The following INSYN2B variants were observed in gnomAD, a reference collection of about 807,000 sequenced individuals.
The protein encoded by INSYN2B is protein INSYN2B.
A neutral mutation model predicts 41.2 loss-of-function variants in INSYN2B; 16 were observed. The ratio of observed to expected loss-of-function variants is 0.39; its 90% CI spans 0.26 to 0.59. The LOEUF (loss-of-function observed/expected upper bound fraction) is 0.59, where lower values mean the gene tolerates loss of function less well. Ranked by LOEUF, INSYN2B falls within the 20% of genes least tolerant of loss-of-function variation. INSYN2B has a pLI of 0.57. For missense variants in INSYN2B, 608 were observed against 646.4 expected (o/e 0.94, Z 0.64); for synonymous variants, 245 against 244.4 (o/e 1.00, Z -0.02).
At chr5:169,894,852 T>A (rs1270544866) in intron 1 of INSYN2B, among the ~76,000 whole-genome samples, 1 of 152,016 alleles carries the variant, frequency 6.6e-6, no homozygotes, top group Non-Finnish European at 1.5e-5. Flanking sequence ...TTGTGGCAAA[T>A]CTCAAGTAAC....
rs1378958056 is a variant in INSYN2B, at chr5:169,864,343, G to T, written c.1538C>A (p.Pro513Gln). 8 of 1,551,378 alleles carry T rather than the reference G, an allele frequency of 5.2e-6. No homozygotes were observed. The Admixed American group carries it at 1.4e-4, about 27-fold the overall frequency. The stretch of plus-strand genomic sequence containing the variant: ...CCTTAAGTCCTGCTTTTCCGGGGCT[G>T]GGGGTTCTGCTGGGGACTTTGGTGG... ...SPPPKSPAEP[P>Q]APEKQDLRRK... The change falls in exon 4 of 4, where the codon CCA becomes CAA. Residue 513 changes from proline to glutamine, a missense_variant. Transcript: ENST00000377365.
chr5:169,926,696 T>A (rs1385141162), intron 1 of INSYN2B, among the ~76,000 whole-genome samples: 1 of 152,162 alleles, frequency 6.6e-6, no homozygotes, highest in African/African-American at 2.4e-5. Context: ...AAAGATTATT[T>A]AAAGAAAAAC....
At position 169,924,933 on chromosome 5, in the gene INSYN2B, G is replaced by A. The variant is rs368410987; in HGVS notation, c.-918-40117C>T. ...AATGAAAATGGGAGTGTGTGTCCAG[G>A]CACAATTGCTTCTCCCAGTCTTCCT... On this transcript the variant is annotated intron_variant, in intron 1 of 3. Coordinates refer to ENST00000377365, the MANE Select transcript of INSYN2B (RefSeq NM_001129891.3). Among the ~76,000 whole-genome samples, 60 of 152,206 alleles carry A rather than the reference G, an allele frequency of 3.9e-4. No homozygotes were observed. In the East Asian group the frequency reaches 6.4e-3, roughly 16 times the overall value.
chr5:169,972,586 T>TAGATGATAGATA (rs1554122913), intron 1 of INSYN2B, among the ~76,000 whole-genome samples: 47 of 69,030 alleles, frequency 6.8e-4, no homozygotes, highest in Admixed American at 1.0e-3. Flanking sequence ...GATAGATAGA[T>TAGATGATAGATA]GATAGATAGA....
At position 169,885,076 on chromosome 5, in the gene INSYN2B, G is replaced by A. The variant is rs1336357262; in HGVS notation, c.-918-260C>T. Among the ~76,000 whole-genome samples the A allele has an allele frequency of 2.0e-5, 3 of 152,260 alleles. No homozygotes were observed. In the East Asian group the frequency reaches 5.8e-4, roughly 29 times the overall value. ...CAGCCAACTCCTGTTCATCAGTCAA[G>A]TCCCAGCAATTTCTCAGGCAGCCTT... On this transcript the variant is annotated intron_variant, in intron 1 of 3. Coordinates refer to ENST00000377365, the MANE Select transcript of INSYN2B (RefSeq NM_001129891.3).
At chr5:169,922,318 C>A (rs969550358) in intron 1 of INSYN2B, among the ~76,000 whole-genome samples, 1 of 152,028 alleles carries the variant, frequency 6.6e-6, no homozygotes, top group Non-Finnish European at 1.5e-5. Context: ...TATGCAGAAC[C>A]CCTGATAATA....
chr5:169,960,588 G>C (rs1488558104), intron 1 of INSYN2B, among the ~76,000 whole-genome samples: 1 of 152,142 alleles, frequency 6.6e-6, no homozygotes, highest in Non-Finnish European at 1.5e-5. Context: ...CACTTAAAAT[G>C]ACCAATAATG....
chr5:169,907,781 A>G (rs1276223977), intron 1 of INSYN2B, among the ~76,000 whole-genome samples: 1 of 152,154 alleles, frequency 6.6e-6, no homozygotes, highest in Admixed American at 6.5e-5. Flanking sequence ...GCAACCTTAC[A>G]GGGACATTTG....
chr5:169,881,108 A>G (rs182528927), intron 3 of INSYN2B, among the ~76,000 whole-genome samples: 1 of 152,264 alleles, frequency 6.6e-6, no homozygotes, highest in East Asian at 1.9e-4. Context: ...ATGAGATGCA[A>G]ATGTGCATGC....
rs553740550 is a variant in INSYN2B at position 169,917,880 on chromosome 5, G to A, written c.-918-33064C>T. On this transcript the variant is annotated intron_variant, in intron 1 of 3. Coordinates refer to ENST00000377365, the MANE Select transcript of INSYN2B (RefSeq NM_001129891.3). ...TCCCTTTCCACTGGTATTTCATTCT[G>A]GAAACTGAAATGGGACATTAAATAA... Among the ~76,000 whole-genome samples, 5 of 152,286 alleles carry A rather than the reference G, an allele frequency of 3.3e-5. No individual in the cohort carries two copies. In the South Asian group the frequency reaches 1.0e-3, roughly 32 times the overall value.
chr5:169,952,775 A>G (rs1011093178), intron 1 of INSYN2B, among the ~76,000 whole-genome samples: 1 of 152,188 alleles, frequency 6.6e-6, no homozygotes, highest in Admixed American at 6.5e-5. Context: ...ATGCCGTTTC[A>G]ATCCAGGGTA....
intron 1 of INSYN2B, among the ~76,000 whole-genome samples, chr5:169,957,538 C>T (rs1776919287): frequency 6.6e-6 from 1 of 152,178 alleles, no homozygotes; most frequent in Non-Finnish European, 1.5e-5. Context: ...CAGGTGACTG[C>T]TCCAGGTCAC....
At chr5:169,942,636 A>T (rs1353645334) in intron 1 of INSYN2B, among the ~76,000 whole-genome samples, 1 of 152,182 alleles carries the variant, frequency 6.6e-6, no homozygotes, top group Admixed American at 6.5e-5. Context: ...AGCAGCTCTT[A>T]TGAGTTGAGG....
At chr5:169,891,181 C>G (rs1773258019) in intron 1 of INSYN2B, among the ~76,000 whole-genome samples, 2 of 152,060 alleles carry the variant, frequency 1.3e-5, no homozygotes, top group South Asian at 4.2e-4. Flanking sequence ...TCTGCTATTC[C>G]TTTTGTTAGG....
chr5:169,967,679 G>A (rs1425400383), intron 1 of INSYN2B, among the ~76,000 whole-genome samples: 1 of 152,152 alleles, frequency 6.6e-6, no homozygotes, highest in Non-Finnish European at 1.5e-5. Context: ...CTGCAACAGG[G>A]AGAATTGATT....
intron 3 of INSYN2B, among the ~76,000 whole-genome samples, chr5:169,878,164 A>T (rs1772437171): frequency 6.6e-6 from 1 of 152,154 alleles, no homozygotes; most frequent in Non-Finnish European, 1.5e-5. Context: ...GAAGGGAGTG[A>T]GGGAAGGAGG....
At chr5:169,932,346 A>G (rs1775795555) in intron 1 of INSYN2B, among the ~76,000 whole-genome samples, 1 of 152,168 alleles carries the variant, frequency 6.6e-6, no homozygotes, top group Non-Finnish European at 1.5e-5. Context: ...GGTTGGAACT[A>G]TACCCGCTGC....
At chr5:169,914,699 G>T (rs1436194958) in intron 1 of INSYN2B, among the ~76,000 whole-genome samples, 1 of 152,166 alleles carries the variant, frequency 6.6e-6, no homozygotes, top group Admixed American at 6.5e-5. Context: ...CCCATCTAAG[G>T]CATCAATCCC....
intron 1 of INSYN2B, among the ~76,000 whole-genome samples, chr5:169,979,733 A>G (rs927489044): frequency 2.6e-5 from 4 of 152,234 alleles, no homozygotes; most frequent in African/African-American, 4.8e-5. Context: ...AATCGTACCA[A>G]AAGGCACGCA....
Sources: gnomAD v4.1 joint callset for allele counts (sites outside exome capture counted in the v4.1 genomes callset) on GRCh38, gnomAD v4.1.1 for gene constraint, MANE v1.5 for transcripts, NCBI Gene and HGNC (gene_info 2026-07-23, HGNC 2026-07-21) for gene names.